The following AFG1L variants were observed in gnomAD, a reference collection of about 807,000 sequenced individuals.
AFG1L encodes the protein AFG1-like ATPase.
Under a neutral mutation model 62.2 loss-of-function variants are expected in AFG1L, and 53 were observed. The ratio of observed to expected loss-of-function variants is 0.85; its 90% confidence interval spans 0.68 to 1.07. AFG1L has a LOEUF of 1.07. AFG1L is among the 50% of genes least tolerant of loss of function. The pLI is 0.00. For synonymous variants in AFG1L, 228 were observed against 210.3 expected (o/e 1.08, Z -0.73); for missense variants, 555 against 590.5 (o/e 0.94, Z 0.62).
In AFG1L at chr6:108,323,845, G is replaced by A. The variant is rs775039476; in HGVS notation, c.160G>A (p.Glu54Lys). 83 of 1,613,898 alleles carry A rather than the reference G, an allele frequency of 5.1e-5. No homozygotes were observed. The East Asian group carries it at 8.2e-4, about 16-fold the overall frequency. ...FWKAYTVQTS[E>K]SMTPTATSET... ...TATAGCCTATACGGTTCAGACATCC[G>A]AGAGCATGACCCCAACTGCCACTTC... The change falls in exon 2 of 13, where the codon GAG becomes AAG. Residue 54 changes from glutamate (E) to lysine (K), a missense_variant. Glu to Lys is a moderately conservative substitution (Grantham distance 56). Coordinates refer to ENST00000368977, the MANE Select transcript of AFG1L (RefSeq NM_145315.5).
intron 8 of AFG1L, among the ~76,000 whole-genome samples, chr6:108,453,536 G>C (rs1293531824): frequency 6.6e-6 from 1 of 152,142 alleles, no homozygotes; most frequent in Non-Finnish European, 1.5e-5. Flanking sequence ...TCAGAAGAAA[G>C]GTCTGTGAAA....
At chr6:108,471,046 C>T (rs544091624) in intron 8 of AFG1L, among the ~76,000 whole-genome samples, 4 of 152,202 alleles carry the variant, frequency 2.6e-5, no homozygotes, top group East Asian at 3.9e-4. Context: ...AACTATTAAA[C>T]AAGAATCTTG....
At chr6:108,353,606 A>G (rs1779161415) in intron 3 of AFG1L, among the ~76,000 whole-genome samples, 1 of 151,516 alleles carries the variant, frequency 6.6e-6, no homozygotes, top group African/African-American at 2.4e-5. Flanking sequence ...GTTCTAATGT[A>G]TGTGAAGTGG....
intron 8 of AFG1L, among the ~76,000 whole-genome samples, chr6:108,447,950 A>G (rs540617248): frequency 6.6e-6 from 1 of 152,352 alleles, no homozygotes; most frequent in African/African-American, 2.4e-5. Context: ...TGTTGGGCAC[A>G]TAGCAAATTC....
At chr6:108,392,790 G>A (rs549473422) in intron 6 of AFG1L, among the ~76,000 whole-genome samples, 4 of 152,142 alleles carry the variant, frequency 2.6e-5, no homozygotes, top group African/African-American at 9.6e-5. Context: ...AAATTATTGT[G>A]TGATAATTTA....
chr6:108,518,023 T>C (rs1774971891), intron 11 of AFG1L, among the ~76,000 whole-genome samples: 1 of 152,214 alleles, frequency 6.6e-6, no homozygotes, highest in African/African-American at 2.4e-5. Flanking sequence ...AGAGAGGATG[T>C]GGAGAAATAG....
chr6:108,409,017 G>A (rs1402863469), intron 7 of AFG1L, among the ~76,000 whole-genome samples: 10 of 152,024 alleles, frequency 6.6e-5, no homozygotes, highest in Non-Finnish European at 1.5e-4. Flanking sequence ...ACAGTTATAC[G>A]GAATATTTTT....
At chr6:108,482,469 A>C (rs1773362145) in intron 10 of AFG1L, among the ~76,000 whole-genome samples, 1 of 152,300 alleles carries the variant, frequency 6.6e-6, no homozygotes, top group East Asian at 1.9e-4. Context: ...AACATCTTAC[A>C]TTCATATGGT....
At chr6:108,484,282 G>A (rs969613009) in intron 10 of AFG1L, among the ~76,000 whole-genome samples, 13 of 152,134 alleles carry the variant, frequency 8.5e-5, no homozygotes, top group Admixed American at 2.6e-4. Flanking sequence ...TGGCCTTGCC[G>A]TGTCCAAATA....
chr6:108,347,913 C>T (rs942001858), intron 3 of AFG1L, among the ~76,000 whole-genome samples: 4 of 151,984 alleles, frequency 2.6e-5, no homozygotes, highest in South Asian at 2.1e-4. Flanking sequence ...TCACATGTAA[C>T]GAGGTCAGTT....
At position 108,454,738 on chromosome 6, in the gene AFG1L, C is replaced by G. The variant is rs370059829; in HGVS notation, c.890+7442C>G. ...TGAGATCTCAGCTCACTGCAACCTC[C>G]GCCTCCCAGGTTCGAGCAATTCTCG... On this transcript the variant is annotated intron_variant, in intron 8 of 12. Coordinates refer to ENST00000368977, the MANE Select transcript of AFG1L (RefSeq NM_145315.5). Among the ~76,000 whole-genome samples the G allele has an allele frequency of 1.4e-3, 217 of 152,200 alleles. 11 individuals carry two copies. In the South Asian group the frequency reaches 0.043, roughly 30 times the overall value.
chr6:108,408,330 C>T (rs1461174401), intron 7 of AFG1L, among the ~76,000 whole-genome samples: 1 of 152,140 alleles, frequency 6.6e-6, no homozygotes, highest in East Asian at 1.9e-4. Flanking sequence ...GGTATTTCAG[C>T]TTTGACTATA....
intron 10 of AFG1L, among the ~76,000 whole-genome samples, chr6:108,504,961 T>G (rs1422544328): frequency 6.6e-6 from 1 of 152,176 alleles, no homozygotes; most frequent in African/African-American, 2.4e-5. Flanking sequence ...GATTTCATCC[T>G]GAAGTCCTGA....
At chr6:108,328,382 G>T (rs967741122) in intron 2 of AFG1L, among the ~76,000 whole-genome samples, 6 of 151,876 alleles carry the variant, frequency 4.0e-5, no homozygotes, top group African/African-American at 1.5e-4. Context: ...TCTTCCTTTT[G>T]GAAATATATT....
chr6:108,464,244 C>G (rs1041435966), intron 8 of AFG1L, among the ~76,000 whole-genome samples: 2 of 152,038 alleles, frequency 1.3e-5, no homozygotes, highest in Admixed American at 1.3e-4. Flanking sequence ...CATGCGTGAC[C>G]CTCTTCCAGA....
At chr6:108,346,955 G>T in intron 2 of AFG1L, 33 bp from the exon 3 acceptor site, 1 of 1,510,578 alleles carries the variant, frequency 6.6e-7, no homozygotes, top group South Asian at 1.1e-5. Flanking sequence ...TTATTTGCAT[G>T]GTAGAGATTT....
intron 7 of AFG1L, among the ~76,000 whole-genome samples, chr6:108,445,704 C>T (rs1771755513): frequency 6.8e-6 from 1 of 148,058 alleles, no homozygotes; most frequent in South Asian, 2.1e-4. Context: ...GTATAGCAGT[C>T]AGAATGCAAA....
intron 1 of AFG1L, among the ~76,000 whole-genome samples, chr6:108,313,615 C>T (rs1384329338): frequency 2.0e-5 from 3 of 152,146 alleles, no homozygotes; most frequent in Non-Finnish European, 4.4e-5. Flanking sequence ...TCACGGCTCA[C>T]TGCAGCCTTA....
At chr6:108,316,968 A>G (rs1451653012) in intron 1 of AFG1L, among the ~76,000 whole-genome samples, 1 of 152,238 alleles carries the variant, frequency 6.6e-6, no homozygotes, top group African/African-American at 2.4e-5. Context: ...TATACAATAT[A>G]CAATTTTCTT....
Sources: allele counts gnomAD v4.1 joint callset (sites outside exome capture counted in the v4.1 genomes callset), GRCh38; gene constraint gnomAD v4.1.1; transcripts MANE v1.5; gene names NCBI Gene and HGNC (gene_info 2026-07-23, HGNC 2026-07-21).